TRIM67: variants seen among roughly 807,000 people sequenced by gnomAD.
TRIM67 encodes the protein tripartite motif-containing protein 67.
TRIM67 carries 39 observed loss-of-function variants against 71.0 expected under a neutral mutation model. The observed-to-expected ratio is 0.55, with a 90% confidence interval of 0.43 to 0.72. The LOEUF is 0.72. TRIM67 is among the 30% of genes least tolerant of loss of function. TRIM67 has a pLI of 0.00. For synonymous variants in TRIM67, 481 were observed against 473.9 expected, an observed-to-expected ratio of 1.01 and a Z score of -0.19; for missense variants, 973 against 1,079.2, an observed-to-expected ratio of 0.90 and a Z score of 1.38.
chr1:231,169,369 T>A (rs1682562619), intron 1 of TRIM67, among the ~76,000 whole-genome samples: 1 of 24,594 alleles, frequency 4.1e-5, no homozygotes, highest in Non-Finnish European at 8.6e-5. Context: ...TTCTTTTCTC[T>A]TTTTTTTTTT....
At chr1:231,193,045 G>A (rs1283912523) in intron 1 of TRIM67, among the ~76,000 whole-genome samples, 3 of 152,188 alleles carry the variant, frequency 2.0e-5, no homozygotes, top group Admixed American at 6.5e-5. Context: ...GGACAGAGCC[G>A]TCCTGGCCCC....
At position 231,216,913 on chromosome 1, in the gene TRIM67, C is replaced by T. The variant is rs1684027225; in HGVS notation, c.*1473C>T. 1 of 985,460 alleles carries T rather than the reference C, an allele frequency of 1.0e-6. No homozygotes were observed. Among genetic ancestry groups the T allele is most frequent in the Admixed American group, 6.1e-5 (1 of 16,274 alleles). 61.0% of individuals were successfully genotyped at this position (985,460 alleles called of 1,614,324 possible). On this transcript the variant is annotated 3_prime_UTR_variant, in exon 10 of 10. Transcript: ENST00000366653. ...CCAGCTCCACCTGGTAGTAACATTT[C>T]TCTCTCCTTTTAAAAAGAATATATT... is the stretch of plus-strand genomic sequence containing the variant.
intron 1 of TRIM67, among the ~76,000 whole-genome samples, chr1:231,172,273 T>C (rs1682637236): frequency 6.6e-6 from 1 of 152,158 alleles, no homozygotes; most frequent in African/African-American, 2.4e-5. Context: ...CAGCTATTTT[T>C]AAAAGTGGGG....
In TRIM67 at chr1:231,163,562, G is replaced by T; in HGVS notation, c.593G>T (p.Gly198Val). 1 of 1,512,882 alleles carries T rather than the reference G, an allele frequency of 6.6e-7. No homozygotes were observed. The allele number at this position is 1,512,882 out of a possible 1,614,324, so 93.7% of individuals were successfully genotyped here. ...RYQQGRGAVP[G>V]TSAAAAVAIC... is the part of the protein sequence containing the mutation. ...CAGCAGGGCCGCGGGGCCGTGCCGGGGACGTCTGCAGCCGCGGCGGTGGCC... is the reference window on the plus strand; with the variant it reads ...CAGCAGGGCCGCGGGGCCGTGCCGGTGACGTCTGCAGCCGCGGCGGTGGCC... The change falls in exon 1 of 10, where the codon GGG becomes GTG. Residue 198 changes from glycine to valine, a missense_variant. Physicochemically the swap from Gly to Val is moderately radical, Grantham distance 109 (BLOSUM62 -3). Around this residue, in one of 2 missense-constraint regions of TRIM67, gnomAD observed 795 missense variants for 831.3 expected, o/e 0.96. Coordinates refer to ENST00000366653, the MANE Select transcript of TRIM67 (RefSeq NM_001004342.5).
At chr1:231,190,719 T>C (rs1683208299) in intron 1 of TRIM67, among the ~76,000 whole-genome samples, 1 of 152,130 alleles carries the variant, frequency 6.6e-6, no homozygotes, top group Non-Finnish European at 1.5e-5. Context: ...GCCTGGATCC[T>C]CAGGGCGGGG....
chr1:231,208,173 GA>G (rs1238152729), intron 7 of TRIM67, among the ~76,000 whole-genome samples: 2 of 147,318 alleles, frequency 1.4e-5, no homozygotes, highest in East Asian at 2.0e-4. Flanking sequence ...CATGTCCAGC[GA>G]ATTTTTTTTT....
chr1:231,204,854 A>G (rs1000063461), intron 6 of TRIM67, among the ~76,000 whole-genome samples: 1 of 152,156 alleles, frequency 6.6e-6, no homozygotes, highest in Non-Finnish European at 1.5e-5. Context: ...AGATGTACAT[A>G]TGTGTCGTTT....
In TRIM67 at chr1:231,163,807, G is replaced by C. The variant is rs567445639; in HGVS notation, c.838G>C (p.Gly280Arg). ...CCAGGGCGCCCCCAGCGGAGGCGGC[G>C]GCTGCAAGAGCCCGGGAGGCGCGGG... ...TAQGAPSGGGGCKSPGGAGAG... is the reference protein window; with the variant it reads ...TAQGAPSGGGRCKSPGGAGAG... Residue 280 changes from glycine to arginine, a missense_variant, in exon 1 of 10, where the codon GGC becomes CGC. Physicochemically the swap from Gly to Arg is moderately radical, Grantham distance 125 (BLOSUM62 -2). Coordinates refer to ENST00000366653, the MANE Select transcript of TRIM67 (RefSeq NM_001004342.5). The C allele has an allele frequency of 3.3e-6, 5 of 1,496,000 alleles. No individual in the cohort carries two copies. The Admixed American group carries it at 6.5e-5, about 19-fold the overall frequency. 92.7% of individuals were successfully genotyped at this position (1,496,000 alleles called of 1,614,324 possible).
intron 1 of TRIM67, among the ~76,000 whole-genome samples, chr1:231,190,424 T>G (rs1213978811): frequency 2.6e-5 from 4 of 152,148 alleles, no homozygotes; most frequent in Non-Finnish European, 5.9e-5. Context: ...CTGCTTTGCC[T>G]CAGGGGATCT....
chr1:231,199,313 T>G, intron 3 of TRIM67, 144 bp downstream of exon 3: 1 of 820,238 alleles, frequency 1.2e-6, no homozygotes, highest in Non-Finnish European at 2.0e-6. Context: ...AAGGAAGGGA[T>G]GCACCAGCTG....
intron 1 of TRIM67, among the ~76,000 whole-genome samples, chr1:231,176,314 C>T (rs1391954391): frequency 2.0e-5 from 3 of 152,028 alleles, no homozygotes; most frequent in Admixed American, 2.0e-4. Flanking sequence ...GGAATAAGTG[C>T]CCTCCTTGTA....
In TRIM67 at chr1:231,216,957, C is replaced by G; in HGVS notation, c.*1517C>G. On this transcript the variant is annotated 3_prime_UTR_variant, in exon 10 of 10. Transcript: ENST00000366653. Reference sequence around the variant, plus strand: ...ATATATTTTGTCAAGCATTTTATTTCTGAGGCTGAGAAGTGACTTGTCAAT... The same window carrying G: ...ATATATTTTGTCAAGCATTTTATTTGTGAGGCTGAGAAGTGACTTGTCAAT... 1 of 985,812 alleles carries G rather than the reference C, an allele frequency of 1.0e-6. No homozygotes were observed. Among genetic ancestry groups the G allele is most frequent in the Non-Finnish European group, 1.2e-6 (1 of 829,946 alleles). 61.1% of individuals were successfully genotyped at this position (985,812 alleles called of 1,614,324 possible). A position where few individuals can be genotyped will look rare whatever the true frequency, so the allele number is the denominator to read the frequency against.
At chr1:231,193,734 A>G (rs766376023) in intron 1 of TRIM67, among the ~76,000 whole-genome samples, 1 of 152,104 alleles carries the variant, frequency 6.6e-6, no homozygotes, top group Non-Finnish European at 1.5e-5. Flanking sequence ...GTTTCCACTC[A>G]TGGTGGAAGG....
chr1:231,174,929 T>A (rs12042870), intron 1 of TRIM67, among the ~76,000 whole-genome samples: 42,483 of 152,108 alleles, frequency 0.28, 6,483 homozygotes, highest in East Asian at 0.46. Flanking sequence ...TTCTGGAAAG[T>A]CTCATTAAGA....
chr1:231,200,823 T>A (rs997195524), intron 4 of TRIM67, among the ~76,000 whole-genome samples: 2 of 152,142 alleles, frequency 1.3e-5, no homozygotes, highest in Non-Finnish European at 2.9e-5. Context: ...CACGTGCAAA[T>A]GTCTGATAAG....
chr1:231,208,175 A>T (rs1396042683), intron 7 of TRIM67, among the ~76,000 whole-genome samples: 1 of 138,402 alleles, frequency 7.2e-6, no homozygotes, highest in East Asian at 2.1e-4. Flanking sequence ...TGTCCAGCGA[A>T]TTTTTTTTTT....
rs1322776220 is a variant in TRIM67 at position 231,201,455 on chromosome 1, T to G, written c.1472T>G (p.Leu491Trp). Residue 491 changes from leucine (L) to tryptophan (W), a missense_variant, in exon 5 of 10, where the codon TTG (leucine) becomes TGG (tryptophan). Around this residue, in one of 2 missense-constraint regions of TRIM67, gnomAD observed 795 missense variants for 831.3 expected, o/e 0.96. Coordinates refer to ENST00000366653, the MANE Select transcript of TRIM67 (RefSeq NM_001004342.5). ...GTGTCTGCGGAGTTTGATCTGACTT[T>G]GGACAGCGAGCCGCTGCTGCAGGCC... is the stretch of plus-strand genomic sequence containing the variant. ...PKVSAEFDLT[L>W]DSEPLLQAIH... is the part of the protein sequence containing the mutation. The G allele has an allele frequency of 1.2e-6, 2 of 1,613,792 alleles. No homozygotes were observed. Among genetic ancestry groups the G allele is most frequent in the Non-Finnish European group, 1.7e-6 (2 of 1,179,820 alleles).
intron 1 of TRIM67, among the ~76,000 whole-genome samples, chr1:231,167,660 G>A (rs1446110736): frequency 6.6e-6 from 1 of 150,676 alleles, no homozygotes; most frequent in Non-Finnish European, 1.5e-5. Flanking sequence ...TTACTACATT[G>A]CCCAGGCTTG....
intron 4 of TRIM67, 112 bp from the exon 5 acceptor site, chr1:231,201,246 C>T: frequency 4.2e-6 from 5 of 1,182,390 alleles, no homozygotes; most frequent in South Asian, 3.2e-5. Flanking sequence ...AGAGCACAAC[C>T]CTTTTCTGTC....
Sources: gnomAD v4.1 joint callset for allele counts (sites outside exome capture counted in the v4.1 genomes callset) on GRCh38, gnomAD v4.1.1 for gene constraint, gnomAD v4.1.1 regional missense constraint, MANE v1.5 for transcripts, NCBI Gene and HGNC (gene_info 2026-07-23, HGNC 2026-07-21) for gene names.